The following CUBN variants were observed in gnomAD, a reference collection of about 807,000 sequenced individuals.
CUBN encodes 460 kDa receptor.
Under a neutral mutation model 405.3 loss-of-function variants are expected in CUBN, and 282 were observed. That is an observed-to-expected ratio of 0.70 (90% CI 0.63 to 0.77). CUBN has a LOEUF of 0.77. Among genes scored for constraint, CUBN ranks in the 30% least tolerant of loss-of-function variants. The pLI, the probability that CUBN is intolerant of heterozygous loss-of-function variation, is 0.00. For synonymous variants in CUBN, 1,684 were observed against 1,617.0 expected (o/e 1.04, Z -0.99); for missense variants, 4,514 against 4,475.2 (o/e 1.01, Z -0.25).
chr10:16,914,006 A>G lies in CUBN; in HGVS notation c.7352-14T>C, dbSNP rs1389473480. On this transcript the variant is annotated splice_polypyrimidine_tract_variant and intron_variant, in intron 47 of 66. Coordinates refer to ENST00000377833, the MANE Select transcript of CUBN (RefSeq NM_001081.4). ...CCCCACCACACTCTGACGTGGGGAA[A>G]AAGCCAAGAAAACTTTCAATCAAAT... 1.2e-6 allele frequency: 2 copies of G among 1,613,500 alleles called. No individual in the cohort carries two copies. Among genetic ancestry groups the G allele is most frequent in the South Asian group, 2.2e-5 (2 of 91,066 alleles).
At position 16,989,779 on chromosome 10, in the gene CUBN, T is replaced by C. The variant is rs545497675; in HGVS notation, c.4350+555A>G. ...GGTGGCCATTTTTTTACAAAAGCGC[T>C]CTGCGGCAGATGGCCCTGGCGGCCC... On this transcript the variant is annotated intron_variant, in intron 29 of 66. Coordinates refer to ENST00000377833, the MANE Select transcript of CUBN (RefSeq NM_001081.4). 2.4e-4 allele frequency among the ~76,000 whole-genome samples: 37 copies of C among 152,296 alleles called. 1 individual carries two copies. The East Asian group carries it at 7.0e-3, about 29-fold the overall frequency.
intron 28 of CUBN, among the ~76,000 whole-genome samples, chr10:17,007,092 C>G (rs1834046539): frequency 6.6e-6 from 1 of 152,156 alleles, no homozygotes; most frequent in African/African-American, 2.4e-5. Context: ...GAGCAACGAC[C>G]AGAAGAGGCG....
intron 2 of CUBN, 139 bp from the exon 3 acceptor site, chr10:17,128,063 A>T (rs1300576845): frequency 1.8e-5 from 11 of 607,600 alleles, no homozygotes; most frequent in South Asian, 3.9e-5. Context: ...AAACCAAAAC[A>T]ACACCATGCG....
intron 23 of CUBN, 38 bp from the exon 24 acceptor site, chr10:17,046,132 G>A (rs747801288): frequency 2.2e-5 from 34 of 1,564,206 alleles, no homozygotes; most frequent in Admixed American, 1.3e-4. Context: ...TTGGGTTACT[G>A]ACAATATTAC....
chr10:17,019,738 G>T, intron 28 of CUBN, 95 bp downstream of exon 28: 1 of 1,444,688 alleles, frequency 6.9e-7, no homozygotes, highest in Non-Finnish European at 9.7e-7. Flanking sequence ...TCCATTATTT[G>T]TTCATGGTAT....
chr10:16,984,563 C>G (rs1833366982), intron 29 of CUBN, among the ~76,000 whole-genome samples: 1 of 152,162 alleles, frequency 6.6e-6, no homozygotes, highest in African/African-American at 2.4e-5. Flanking sequence ...TCTTCCCTAT[C>G]TCCTCTTTTT....
chr10:16,843,907 T>C (rs1290009715), intron 60 of CUBN, among the ~76,000 whole-genome samples: 1 of 152,154 alleles, frequency 6.6e-6, no homozygotes, highest in Non-Finnish European at 1.5e-5. Flanking sequence ...AATAAAATAA[T>C]GGGAGTGTAT....
In CUBN at chr10:16,913,893, G is replaced by A. The variant is rs745913035; in HGVS notation, c.7451C>T (p.Ala2484Val). The A allele has an allele frequency of 1.1e-5, 17 of 1,613,954 alleles. No individual in the cohort carries two copies. The highest frequency in any genetic ancestry group is 6.7e-5 in the East Asian group (3 of 44,886). ...TAGGGTGATCCGCCTTCCCTCCGGG[G>A]CAGTGATTCTCCACTCGCAGATCCG... The part of the protein sequence containing the change: ...HGRICEWRIT[A>V]PEGRRITLMF... The change falls in exon 48 of 67, where the codon GCC (alanine) becomes GTC (valine). Residue 2484 changes from alanine to valine, a missense_variant. Around this residue, in one of 5 missense-constraint regions of CUBN, gnomAD observed 1,613 missense variants for 1,542.8 expected, o/e 1.05. Transcript: ENST00000377833.
At chr10:17,011,927 T>G (rs1834197525) in intron 28 of CUBN, among the ~76,000 whole-genome samples, 1 of 152,092 alleles carries the variant, frequency 6.6e-6, no homozygotes. Context: ...TGGCTTCACC[T>G]CTTAATCCCC....
intron 14 of CUBN, among the ~76,000 whole-genome samples, chr10:17,094,813 C>G (rs1410190389): frequency 1.3e-5 from 2 of 151,928 alleles, no homozygotes; most frequent in African/African-American, 4.8e-5. Context: ...GCAAAGCAGT[C>G]TACAGTTCAA....
At chr10:16,967,198 A>C (rs968184260) in intron 31 of CUBN, among the ~76,000 whole-genome samples, 3 of 152,150 alleles carry the variant, frequency 2.0e-5, no homozygotes, top group Non-Finnish European at 2.9e-5. Flanking sequence ...AGTTCAATTC[A>C]CAACCCCACA....
chr10:16,984,343 T>C, intron 29 of CUBN, 64 bp from the exon 30 acceptor site: 1 of 1,480,778 alleles, frequency 6.8e-7, no homozygotes, highest in Non-Finnish European at 9.3e-7. Flanking sequence ...GCCCTTGCTC[T>C]GGCTCATTTT....
At chr10:16,970,576 C>CAAAA (rs1213142589) in intron 31 of CUBN, among the ~76,000 whole-genome samples, 3 of 121,636 alleles carry the variant, frequency 2.5e-5, no homozygotes, top group Admixed American at 1.7e-4. Context: ...AACTCCATCT[C>CAAAA]AAAAAAAAAA....
At chr10:16,893,399 TGTGTGTG>T (rs1841091637) in intron 54 of CUBN, among the ~76,000 whole-genome samples, 1 of 18,584 alleles carries the variant, frequency 5.4e-5, no homozygotes, top group Admixed American at 1.1e-3. Context: ...TGAACTCGTG[TGTGTGTG>T]TGTGTGTGTG....
chr10:16,827,220 A>G (rs61844024), intron 66 of CUBN, among the ~76,000 whole-genome samples: 10,606 of 152,198 alleles, frequency 0.07, 586 homozygotes, highest in East Asian at 0.28. Flanking sequence ...ATTAGGCCAC[A>G]CTCGTGCAAC....
At chr10:17,027,987 C>T (rs192640692) in intron 27 of CUBN, among the ~76,000 whole-genome samples, 1 of 152,080 alleles carries the variant, frequency 6.6e-6, no homozygotes, top group African/African-American at 2.4e-5. Flanking sequence ...CTATTAATTA[C>T]CCACAAAAAT....
At chr10:17,081,010 T>G (rs187837119) in intron 17 of CUBN, among the ~76,000 whole-genome samples, 5 of 152,038 alleles carry the variant, frequency 3.3e-5, no homozygotes, top group Non-Finnish European at 7.4e-5. Flanking sequence ...AAGAGAGATA[T>G]ATAAATCTAA....
chr10:16,828,211 C>T (rs557104527), intron 66 of CUBN, among the ~76,000 whole-genome samples: 1 of 152,094 alleles, frequency 6.6e-6, no homozygotes, highest in East Asian at 1.9e-4. Flanking sequence ...CCTGGGAAAT[C>T]CCGATTCAGT....
At chr10:16,840,119 T>C (rs1464748701) in intron 62 of CUBN, among the ~76,000 whole-genome samples, 2 of 151,446 alleles carry the variant, frequency 1.3e-5, no homozygotes, top group Non-Finnish European at 2.9e-5. Flanking sequence ...ATATACCTAA[T>C]GTTAAATGAC....
Sources: allele counts gnomAD v4.1 joint callset (sites outside exome capture counted in the v4.1 genomes callset), GRCh38; gene constraint gnomAD v4.1.1; regional missense constraint gnomAD v4.1.1; transcripts MANE v1.5; gene names NCBI Gene and HGNC (gene_info 2026-07-23, HGNC 2026-07-21).